The following SKAP2 variants were observed in gnomAD, a reference collection of about 807,000 sequenced individuals.
SKAP2 encodes the protein src kinase associated phosphoprotein 2.
In SKAP2, 28 loss-of-function variants were observed where a neutral mutation model predicts 54.9. The observed-to-expected ratio is 0.51, with a 90% confidence interval of 0.38 to 0.70. The LOEUF (loss-of-function observed/expected upper bound fraction) is 0.70. SKAP2 is among the 30% of genes least tolerant of loss of function. The probability of loss-of-function intolerance (pLI) is 0.00; values close to 1 mark genes in which losing one functional copy is unlikely to be tolerated. For synonymous variants in SKAP2, 137 were observed against 134.3 expected, an observed-to-expected ratio of 1.02 and a Z score of -0.14; for missense variants, 356 against 424.1, an observed-to-expected ratio of 0.84 and a Z score of 1.41.
At chr7:26,770,330 A>G (rs1050931833) in intron 4 of SKAP2, among the ~76,000 whole-genome samples, 2 of 152,158 alleles carry the variant, frequency 1.3e-5, no homozygotes, top group Admixed American at 6.5e-5. Context: ...GTCCCAGGTC[A>G]ACTTCAGACT....
At chr7:26,741,572 A>T (rs980770385) in intron 4 of SKAP2, among the ~76,000 whole-genome samples, 659 of 28,944 alleles carry the variant, frequency 0.023, 6 homozygotes, top group African/African-American at 0.033. Flanking sequence ...ATAAATAAAT[A>T]AATAAATTAA....
chr7:26,759,866 C>A (rs555456865), intron 4 of SKAP2, among the ~76,000 whole-genome samples: 1 of 152,120 alleles, frequency 6.6e-6, no homozygotes, highest in South Asian at 2.1e-4. Flanking sequence ...TAAAGAATTC[C>A]TGTGTGTGAA....
chr7:26,787,809 C>G (rs147530918), intron 4 of SKAP2, among the ~76,000 whole-genome samples: 1 of 152,248 alleles, frequency 6.6e-6, no homozygotes, highest in Non-Finnish European at 1.5e-5. Flanking sequence ...GCCCGCATGA[C>G]CCAAACACCT....
chr7:26,717,582 T>C (rs974046539), intron 9 of SKAP2, among the ~76,000 whole-genome samples: 2 of 137,918 alleles, frequency 1.5e-5, no homozygotes, highest in South Asian at 2.3e-4. Context: ...TCCCAGCACT[T>C]TGAGAGGCCA....
At chr7:26,727,066 T>G (rs1341366598) in intron 6 of SKAP2, 60 bp from the exon 7 acceptor site, 1 of 1,341,196 alleles carries the variant, frequency 7.5e-7, no homozygotes, top group Non-Finnish European at 1.0e-6. Flanking sequence ...CAATTATCTT[T>G]TATGTAAAAT....
intron 11 of SKAP2, among the ~76,000 whole-genome samples, chr7:26,678,415 A>G (rs1355540454): frequency 1.3e-5 from 2 of 150,390 alleles, no homozygotes; most frequent in African/African-American, 2.5e-5. Context: ...GGAATATAAC[A>G]TTTTATTACA....
the SKAP2 span, among the ~76,000 whole-genome samples, chr7:26,658,959 T>C: frequency 6.6e-6 from 1 of 152,188 alleles, no homozygotes; most frequent in Non-Finnish European, 1.5e-5. Context: ...TAGCAGAGCA[T>C]ATAGGCCAGA....
At chr7:26,788,535 GAATTT>G (rs1783606433) in intron 4 of SKAP2, among the ~76,000 whole-genome samples, 1 of 152,050 alleles carries the variant, frequency 6.6e-6, no homozygotes, top group African/African-American at 2.4e-5. Flanking sequence ...AAAACTGTCA[GAATTT>G]AAATTGGCTC....
At chr7:26,796,957 ACATTTGGG>A (rs1374584586) in intron 4 of SKAP2, among the ~76,000 whole-genome samples, 1 of 152,270 alleles carries the variant, frequency 6.6e-6, no homozygotes, top group Admixed American at 6.5e-5. Context: ...AGAGCACAAA[ACATTTGGG>A]CAAATGGTCA....
At chr7:26,843,568 G>A (rs938905196) in intron 4 of SKAP2, among the ~76,000 whole-genome samples, 1 of 151,890 alleles carries the variant, frequency 6.6e-6, no homozygotes, top group African/African-American at 2.4e-5. Context: ...AGAAGCATTT[G>A]ATAAAAACCT....
At chr7:26,849,504 T>G (rs1311698037) in intron 3 of SKAP2, among the ~76,000 whole-genome samples, 1 of 151,796 alleles carries the variant, frequency 6.6e-6, no homozygotes, top group Non-Finnish European at 1.5e-5. Context: ...ACCAACATGG[T>G]GAAACCCCGT....
chr7:26,768,792 C>T (rs1175502003), intron 4 of SKAP2, among the ~76,000 whole-genome samples: 1 of 152,188 alleles, frequency 6.6e-6, no homozygotes, highest in East Asian at 1.9e-4. Flanking sequence ...CCCCCACTCT[C>T]TTCTGGCTTA....
intron 4 of SKAP2, among the ~76,000 whole-genome samples, chr7:26,814,231 T>C (rs1784218664): frequency 6.6e-6 from 1 of 152,176 alleles, no homozygotes; most frequent in South Asian, 2.1e-4. Flanking sequence ...TTTGATATAA[T>C]TGTTGTAAAT....
chr7:26,856,387 A>G (rs1785163767), intron 1 of SKAP2, among the ~76,000 whole-genome samples: 1 of 151,814 alleles, frequency 6.6e-6, no homozygotes, highest in Middle Eastern at 3.2e-3. Flanking sequence ...TTATATTAAC[A>G]ACTAATGTGT....
chr7:26,741,238 C>T (rs1347650008), intron 4 of SKAP2, among the ~76,000 whole-genome samples: 1 of 151,556 alleles, frequency 6.6e-6, no homozygotes, highest in East Asian at 1.9e-4. Context: ...ACTAAGTGGC[C>T]GGGTGCAATG....
intron 5 of SKAP2, among the ~76,000 whole-genome samples, chr7:26,739,269 G>C (rs1361071287): frequency 1.3e-5 from 2 of 152,136 alleles, no homozygotes; most frequent in African/African-American, 2.4e-5. Context: ...AGAAAGCTAA[G>C]AAAAGCAAAA....
chr7:26,859,072 C>T (rs1282333251), intron 1 of SKAP2, among the ~76,000 whole-genome samples: 1 of 152,086 alleles, frequency 6.6e-6, no homozygotes, highest in East Asian at 1.9e-4. Context: ...CTGAATCTAC[C>T]ACCATATGCT....
At chr7:26,845,866 A>G (rs966632755) in intron 3 of SKAP2, among the ~76,000 whole-genome samples, 1 of 152,182 alleles carries the variant, frequency 6.6e-6, no homozygotes. Flanking sequence ...CAGGAGTTTG[A>G]GGCTGCAGTG....
intron 4 of SKAP2, among the ~76,000 whole-genome samples, chr7:26,812,843 GAA>G (rs3842175): frequency 7.6e-5 from 11 of 145,656 alleles, no homozygotes; most frequent in Non-Finnish European, 1.7e-4. Context: ...TTTTAAAAAA[GAA>G]AAAAAAAAGC....
Sources: gnomAD v4.1 joint callset for allele counts (sites outside exome capture counted in the v4.1 genomes callset) on GRCh38, gnomAD v4.1.1 for gene constraint, MANE v1.5 for transcripts, NCBI Gene and HGNC (gene_info 2026-07-23, HGNC 2026-07-21) for gene names.